Variants in GMCL1 observed in about 807,000 individuals in gnomAD.
The protein encoded by GMCL1 is germ cell-less 1, spermatogenesis associated.
In GMCL1, 54 loss-of-function variants were observed where a neutral mutation model predicts 75.5. The observed-to-expected ratio is 0.71, with a 90% CI of 0.57 to 0.90. The LOEUF (loss-of-function observed/expected upper bound fraction) is 0.90. GMCL1 is among the 40% of genes least tolerant of loss of function. The pLI is 0.00. For synonymous variants in GMCL1, 210 were observed against 209.6 expected, an observed-to-expected ratio of 1.00 and a Z score of -0.02; for missense variants, 537 against 622.7, an observed-to-expected ratio of 0.86 and a Z score of 1.47.
intron 1 of GMCL1, among the ~76,000 whole-genome samples, chr2:69,832,716 C>T (rs1318604926): frequency 6.6e-6 from 1 of 152,190 alleles, no homozygotes; most frequent in Non-Finnish European, 1.5e-5. Flanking sequence ...TCTAACCTTT[C>T]AATTAGTAGT....
rs775048859 is a variant in GMCL1, at chr2:69,869,857, G to A, written c.1357G>A (p.Ala453Thr). ...CAGTTTACAGCCTCGAAGGAGCATA[G>A]CATTTAGGTAGGATGAGATTTCCCC... ...SVSLQPRRSI[A>T]FRLRLASFDS... Residue 453 changes from alanine (A) to threonine (T), a missense_variant, in exon 12 of 14, where the codon GCA becomes ACA. Physicochemically the swap from Ala to Thr is moderately conservative, Grantham distance 58. Around this residue, in one of 3 missense-constraint regions of GMCL1, gnomAD observed 345 missense variants for 410.5 expected, o/e 0.84. Coordinates refer to ENST00000282570, the MANE Select transcript of GMCL1 (RefSeq NM_178439.5). 5.0e-6 allele frequency: 8 copies of A among 1,612,998 alleles called. No homozygotes were observed. The highest frequency in any genetic ancestry group is 2.2e-5 in the East Asian group (1 of 44,850).
chr2:69,855,021 C>A (rs1675430358), intron 9 of GMCL1, 61 bp downstream of exon 9: 2 of 1,245,268 alleles, frequency 1.6e-6, no homozygotes, highest in East Asian at 2.6e-5. Context: ...TAATATAGAT[C>A]ATAGAAAAGA....
At chr2:69,845,204 G>A (rs758378119) in intron 6 of GMCL1, among the ~76,000 whole-genome samples, 5 of 152,330 alleles carry the variant, frequency 3.3e-5, no homozygotes, top group South Asian at 2.1e-4. Flanking sequence ...AGTCAACTGC[G>A]CCGCCTTCGT....
intron 9 of GMCL1, among the ~76,000 whole-genome samples, chr2:69,861,048 A>T (rs1314434975): frequency 2.0e-5 from 3 of 152,120 alleles, no homozygotes; most frequent in Non-Finnish European, 4.4e-5. Flanking sequence ...TTGCCATGTT[A>T]GTCAGGCTGA....
intron 10 of GMCL1, among the ~76,000 whole-genome samples, chr2:69,864,463 TA>T (rs1675749002): frequency 1.3e-5 from 2 of 152,020 alleles, no homozygotes; most frequent in South Asian, 4.1e-4. Context: ...TGATTTTGCA[TA>T]GTTACACTAT....
chr2:69,867,321 C>T (rs1175307202), intron 11 of GMCL1, among the ~76,000 whole-genome samples: 3 of 152,070 alleles, frequency 2.0e-5, no homozygotes, highest in Non-Finnish European at 4.4e-5. Flanking sequence ...GACCTTCCTT[C>T]CCCCATGCTC....
chr2:69,838,944 A>G (rs1355974174), intron 2 of GMCL1, among the ~76,000 whole-genome samples: 1 of 152,210 alleles, frequency 6.6e-6, no homozygotes, highest in Non-Finnish European at 1.5e-5. Context: ...ATCCATTTCA[A>G]AGTAATTCTA....
chr2:69,831,834 C>A (rs1452716247), intron 1 of GMCL1, among the ~76,000 whole-genome samples: 1 of 152,184 alleles, frequency 6.6e-6, no homozygotes, highest in African/African-American at 2.4e-5. Flanking sequence ...CCTGGAACTC[C>A]TGGGTTCAAG....
chr2:69,849,757 T>C lies in GMCL1; in HGVS notation c.934+15T>C. ...ACAGAGGAAAGGTAGGCCTGAAGTT[T>C]TTGAGAACTTGTCTTTTAAAAGGAA... On this transcript the variant is annotated intron_variant, in intron 8 of 13. Coordinates refer to ENST00000282570, the MANE Select transcript of GMCL1 (RefSeq NM_178439.5). The C allele has an allele frequency of 6.7e-7, 1 of 1,488,108 alleles. No homozygotes were observed. The highest frequency in any genetic ancestry group is 9.1e-7 in the Non-Finnish European group (1 of 1,101,590). The allele number at this position is 1,488,108 out of a possible 1,614,324, so 92.2% of individuals were successfully genotyped here. A position where few individuals can be genotyped will look rare whatever the true frequency, so the allele number is the denominator to read the frequency against.
intron 13 of GMCL1, among the ~76,000 whole-genome samples, chr2:69,875,915 C>T (rs56407607): frequency 1.3e-5 from 2 of 152,154 alleles, no homozygotes; most frequent in African/African-American, 4.8e-5. Flanking sequence ...TGGTCTCGAT[C>T]TCCTGACCTC....
chr2:69,848,246 A>G (rs1270044677), intron 7 of GMCL1, among the ~76,000 whole-genome samples: 7 of 152,340 alleles, frequency 4.6e-5, no homozygotes, highest in Non-Finnish European at 5.9e-5. Context: ...TTTTGTCCGC[A>G]AAACAGTGTT....
chr2:69,847,465 C>T, intron 6 of GMCL1, 78 bp from the exon 7 acceptor site: 1 of 897,776 alleles, frequency 1.1e-6, no homozygotes, highest in Admixed American at 2.0e-5. Context: ...ACAAGAAAGA[C>T]TTAAAGCTTT....
At chr2:69,847,456 C>A in intron 6 of GMCL1, 87 bp from the exon 7 acceptor site, 2 of 833,622 alleles carry the variant, frequency 2.4e-6, no homozygotes, top group Non-Finnish European at 4.0e-6. Flanking sequence ...TATTTTTTTA[C>A]AAGAAAGACT....
chr2:69,859,605 A>G (rs1675580264), intron 9 of GMCL1, among the ~76,000 whole-genome samples: 1 of 151,864 alleles, frequency 6.6e-6, no homozygotes, highest in Admixed American at 6.6e-5. Flanking sequence ...GCATGGTGGC[A>G]GACACCTATA....
chr2:69,877,099 G>A (rs1676148290), intron 13 of GMCL1, among the ~76,000 whole-genome samples: 1 of 152,174 alleles, frequency 6.6e-6, no homozygotes, highest in Non-Finnish European at 1.5e-5. Flanking sequence ...CTGCTCTGCT[G>A]CTGCTATATG....
At chr2:69,840,686 G>A (rs1674958704) in intron 3 of GMCL1, among the ~76,000 whole-genome samples, 1 of 152,160 alleles carries the variant, frequency 6.6e-6, no homozygotes, top group Admixed American at 6.5e-5. Context: ...GACCACTGAT[G>A]TCAAGATTAC....
rs140374561 is a variant in GMCL1, at chr2:69,859,896, A to C, written c.1073-1382A>C. Among the ~76,000 whole-genome samples, 689 of 152,116 alleles carry C rather than the reference A, an allele frequency of 4.5e-3. 4 individuals carry two copies. Among genetic ancestry groups the C allele is most frequent in the African/African-American group, 0.016 (661 of 41,496 alleles). On this transcript the variant is annotated intron_variant, in intron 9 of 13. Coordinates refer to ENST00000282570, the MANE Select transcript of GMCL1 (RefSeq NM_178439.5). ...ATTTCTACCCCTCTTTTACATAGAG[A>C]TTGAGAAATAATTTAAGAACTTAAA...
At chr2:69,864,809 T>A in intron 10 of GMCL1, 91 bp from the exon 11 acceptor site, 1 of 785,998 alleles carries the variant, frequency 1.3e-6, no homozygotes, top group Non-Finnish European at 2.1e-6. Context: ...TTAAATCTGG[T>A]AGCAAGATTT....
At chr2:69,831,974 A>G (rs1280684170) in intron 1 of GMCL1, among the ~76,000 whole-genome samples, 1 of 152,202 alleles carries the variant, frequency 6.6e-6, no homozygotes, top group East Asian at 1.9e-4. Flanking sequence ...TAATCCCAGC[A>G]CTTTGGGAGG....
Sources: allele counts gnomAD v4.1 joint callset (sites outside exome capture counted in the v4.1 genomes callset), GRCh38; gene constraint gnomAD v4.1.1; regional missense constraint gnomAD v4.1.1; transcripts MANE v1.5; gene names NCBI Gene and HGNC (gene_info 2026-07-23, HGNC 2026-07-21).